The following RELN variants were observed in gnomAD, a reference collection of about 807,000 sequenced individuals.
RELN encodes the protein reelin.
A neutral mutation model predicts 427.6 loss-of-function variants in RELN; 108 were observed. The ratio of observed to expected loss-of-function variants is 0.25; its 90% CI spans 0.22 to 0.30. The LOEUF is 0.30. RELN is among the 10% of genes least tolerant of loss of function. The pLI is 1.00. For missense variants in RELN, 3,715 were observed against 4,302.8 expected (o/e 0.86, Z 3.82); for synonymous variants, 1,524 against 1,513.4 (o/e 1.01, Z -0.16).
intron 3 of RELN, among the ~76,000 whole-genome samples, chr7:103,803,963 G>A (rs1444137655): frequency 1.3e-5 from 2 of 152,010 alleles, no homozygotes; most frequent in Non-Finnish European, 2.9e-5. Context: ...AAAAACCACT[G>A]AGAATCTTTG....
chr7:103,533,524 T>C (rs1829984992), intron 46 of RELN, among the ~76,000 whole-genome samples: 1 of 152,198 alleles, frequency 6.6e-6, no homozygotes, highest in African/African-American at 2.4e-5. Flanking sequence ...GCTCCCTCCA[T>C]GCACATTTCT....
chr7:103,949,515 T>G (rs1796291582), intron 1 of RELN, among the ~76,000 whole-genome samples: 1 of 151,960 alleles, frequency 6.6e-6, no homozygotes, highest in Admixed American at 6.6e-5. Flanking sequence ...CAAGACAGCT[T>G]CCTTTTTCTC....
intron 5 of RELN, among the ~76,000 whole-genome samples, 182 bp from the exon 6 acceptor site, chr7:103,749,686 C>T (rs570572318): frequency 1.2e-4 from 18 of 152,234 alleles, no homozygotes; most frequent in African/African-American, 3.6e-4. Context: ...AAAAGCTCTG[C>T]GGTTTAAACA....
intron 38 of RELN, among the ~76,000 whole-genome samples, chr7:103,556,705 C>A (rs1025880360): frequency 2.0e-5 from 3 of 152,216 alleles, no homozygotes; most frequent in African/African-American, 7.2e-5. Context: ...CCATGTAAGA[C>A]ATGCCTTTTG....
At chr7:103,714,250 T>C (rs959668826) in intron 8 of RELN, among the ~76,000 whole-genome samples, 1 of 152,216 alleles carries the variant, frequency 6.6e-6, no homozygotes, top group Non-Finnish European at 1.5e-5. Flanking sequence ...TATAAAAGTA[T>C]AATTGGTTAT....
intron 1 of RELN, among the ~76,000 whole-genome samples, chr7:103,928,241 C>A (rs769560067): frequency 6.6e-6 from 1 of 152,178 alleles, no homozygotes; most frequent in Non-Finnish European, 1.5e-5. Context: ...GACTCAAATT[C>A]TGTAAGTGCC....
At chr7:103,844,031 C>T (rs921780213) in intron 2 of RELN, among the ~76,000 whole-genome samples, 7 of 152,206 alleles carry the variant, frequency 4.6e-5, no homozygotes, top group African/African-American at 1.7e-4. Flanking sequence ...TCTGCCTCAC[C>T]ACCTGGTGCC....
chr7:103,871,304 G>T (rs1794328618), intron 2 of RELN, among the ~76,000 whole-genome samples: 1 of 151,988 alleles, frequency 6.6e-6, no homozygotes, highest in South Asian at 2.1e-4. Context: ...ACTATCTTTT[G>T]TAATTATTTT....
intron 20 of RELN, among the ~76,000 whole-genome samples, chr7:103,624,273 C>A (rs1437772067): frequency 6.6e-6 from 1 of 152,126 alleles, no homozygotes; most frequent in African/African-American, 2.4e-5. Flanking sequence ...TTGGGCCACC[C>A]ACACTGCAAC....
intron 57 of RELN, among the ~76,000 whole-genome samples, chr7:103,493,507 T>C (rs756135186): frequency 6.6e-6 from 1 of 152,142 alleles, no homozygotes; most frequent in Non-Finnish European, 1.5e-5. Context: ...AATTAATTGT[T>C]AGCCAGTCAA....
chr7:103,851,963 C>A, intron 2 of RELN, among the ~76,000 whole-genome samples: 1 of 152,130 alleles, frequency 6.6e-6, no homozygotes, highest in East Asian at 1.9e-4. Context: ...GATGGCACAG[C>A]CACAATATGG....
At position 103,988,942 on chromosome 7, in the gene RELN, G is replaced by C. The variant is rs1453265429; in HGVS notation, c.226+189C>G. Reference sequence around the variant, plus strand: ...TGCGTTCGGGGAGTGGGGACATGGAGAATGAATCCCAACTTGTGACTCCAT... The same window carrying C: ...TGCGTTCGGGGAGTGGGGACATGGACAATGAATCCCAACTTGTGACTCCAT... On this transcript the variant is annotated intron_variant, in intron 1 of 64. Coordinates refer to ENST00000428762, the MANE Select transcript of RELN (RefSeq NM_005045.4). This position sits in a 1 kb window ranked among gnomAD's most constrained non-coding sequence, Gnocchi z 4.9. 2.6e-5 allele frequency among the ~76,000 whole-genome samples: 4 copies of C among 152,174 alleles called. No homozygotes were observed. The highest frequency in any genetic ancestry group is 4.8e-5 in the African/African-American group (2 of 41,446).
chr7:103,549,709 G>A (rs1212278725), intron 41 of RELN, among the ~76,000 whole-genome samples: 1 of 152,200 alleles, frequency 6.6e-6, no homozygotes, highest in Non-Finnish European at 1.5e-5. Flanking sequence ...ATAAACTTCT[G>A]TTGCTAAGTC....
At chr7:103,790,016 G>A (rs1584494451) in intron 3 of RELN, among the ~76,000 whole-genome samples, 1 of 152,190 alleles carries the variant, frequency 6.6e-6, no homozygotes, top group East Asian at 1.9e-4. Context: ...AAAAAAGAAT[G>A]AGTTCATGTC....
chr7:103,652,748 C>T lies in RELN; in HGVS notation c.1566G>A (p.Leu522=). 6.2e-7 allele frequency: 1 copy of T among 1,612,560 alleles called. No individual in the cohort carries two copies. Among genetic ancestry groups the T allele is most frequent in the Admixed American group, 1.7e-5 (1 of 59,822 alleles). Residue 522 remains leucine, a synonymous_variant, in exon 14 of 65, where the codon TTG becomes TTA. Transcript: ENST00000428762. ...GTTCAGGATTGATGACCACAGAAAC[C>T]AAAGACGGAACCTTTCAAACAAAGG... ...LSYSSYKVPS[L]VSVVINPELQ...
chr7:103,806,921 T>C (rs991057823), intron 3 of RELN, among the ~76,000 whole-genome samples: 1 of 152,076 alleles, frequency 6.6e-6, no homozygotes, highest in Non-Finnish European at 1.5e-5. Flanking sequence ...ACAGGCTCCA[T>C]GCAAGCACTG....
chr7:103,895,352 G>T (rs79023441), intron 2 of RELN, among the ~76,000 whole-genome samples: 1 of 152,054 alleles, frequency 6.6e-6, no homozygotes, highest in Non-Finnish European at 1.5e-5. Flanking sequence ...GCAAATGGGG[G>T]CCCATTAAAA....
chr7:103,707,823 A>G (rs1834238983), intron 8 of RELN, among the ~76,000 whole-genome samples: 1 of 152,170 alleles, frequency 6.6e-6, no homozygotes, highest in Admixed American at 6.5e-5. Flanking sequence ...TTTTACAAAA[A>G]TTTGGCCTCT....
intron 4 of RELN, among the ~76,000 whole-genome samples, chr7:103,754,085 T>C (rs1340793639): frequency 2.0e-5 from 3 of 152,136 alleles, no homozygotes; most frequent in African/African-American, 7.2e-5. Flanking sequence ...TACATTTCAA[T>C]TGTCAATTTT....
Sources: allele counts gnomAD v4.1 joint callset (sites outside exome capture counted in the v4.1 genomes callset), GRCh38; gene constraint gnomAD v4.1.1; non-coding constraint Gnocchi (gnomAD v3.1); transcripts MANE v1.5; gene names NCBI Gene and HGNC (gene_info 2026-07-23, HGNC 2026-07-21).